Variants in PKHD1 observed in about 807,000 individuals in gnomAD.
PKHD1 encodes fibrocystin.
In PKHD1, 291 loss-of-function variants were observed where a neutral mutation model predicts 412.0. The observed-to-expected ratio is 0.71, with a 90% CI of 0.64 to 0.78. The LOEUF (loss-of-function observed/expected upper bound fraction) is 0.78, where lower values mean the gene tolerates loss of function less well. Ranked by LOEUF, PKHD1 falls within the 30% of genes least tolerant of loss-of-function variation. The pLI is 0.00. For synonymous variants in PKHD1, 1,777 were observed against 1,821.5 expected, an observed-to-expected ratio of 0.98 and a Z score of 0.62; for missense variants, 4,825 against 4,950.7, an observed-to-expected ratio of 0.97 and a Z score of 0.76.
chr6:52,011,863 C>T (rs731736), intron 34 of PKHD1, among the ~76,000 whole-genome samples: 14 of 151,970 alleles, frequency 9.2e-5, no homozygotes, highest in African/African-American at 1.9e-4. Flanking sequence ...CATATCTGAA[C>T]GCAGATTGTT....
chr6:51,709,409 T>C (rs772788989), intron 60 of PKHD1, among the ~76,000 whole-genome samples: 15 of 152,244 alleles, frequency 9.9e-5, no homozygotes, highest in Non-Finnish European at 1.8e-4. Flanking sequence ...ATTCTTGTTG[T>C]CCCAGCAAAA....
At chr6:51,619,683 A>T (rs1183545745) in intron 66 of PKHD1, among the ~76,000 whole-genome samples, 163 bp from the exon 67 acceptor site, 1 of 152,226 alleles carries the variant, frequency 6.6e-6, no homozygotes, top group Non-Finnish European at 1.5e-5. Context: ...CCAAATATGT[A>T]ATAAAAAATT....
intron 41 of PKHD1, among the ~76,000 whole-genome samples, chr6:51,905,152 C>A (rs189306760): frequency 2.0e-5 from 3 of 152,126 alleles, no homozygotes; most frequent in South Asian, 2.1e-4. Flanking sequence ...AAATATCAAA[C>A]GGTATTTAAC....
intron 53 of PKHD1, among the ~76,000 whole-genome samples, chr6:51,784,431 A>G (rs1413304760): frequency 2.0e-5 from 3 of 152,188 alleles, no homozygotes; most frequent in Non-Finnish European, 4.4e-5. Context: ...ATAAAACGAG[A>G]CAGACGTTTC....
intron 2 of PKHD1, among the ~76,000 whole-genome samples, chr6:52,083,490 T>C (rs927926504): frequency 1.3e-5 from 2 of 152,194 alleles, no homozygotes; most frequent in African/African-American, 4.8e-5. Context: ...AGAAGCCCCA[T>C]TTTAAGGAAA....
chr6:51,753,095 T>G (rs186747382), intron 57 of PKHD1, 106 bp downstream of exon 57: 1 of 1,001,824 alleles, frequency 1.0e-6, no homozygotes, highest in Admixed American at 1.9e-5. Flanking sequence ...CTATCTCATT[T>G]GAACATTTTG....
intron 34 of PKHD1, among the ~76,000 whole-genome samples, chr6:52,012,659 C>T (rs906508528): frequency 6.6e-6 from 1 of 152,194 alleles, no homozygotes; most frequent in African/African-American, 2.4e-5. Context: ...TTTAAAACAC[C>T]TCACTTCAGA....
At chr6:51,940,165 G>A (rs1033400044) in intron 36 of PKHD1, among the ~76,000 whole-genome samples, 56 of 151,704 alleles carry the variant, frequency 3.7e-4, no homozygotes, top group Middle Eastern at 3.4e-3. Flanking sequence ...TCAAAAGGCC[G>A]TCTTATTCTC....
intron 55 of PKHD1, among the ~76,000 whole-genome samples, chr6:51,770,338 T>A (rs1042395378): frequency 6.6e-6 from 1 of 151,786 alleles, no homozygotes; most frequent in African/African-American, 2.4e-5. Context: ...ATTTGAAACA[T>A]TTATTTTGAT....
intron 37 of PKHD1, among the ~76,000 whole-genome samples, chr6:51,925,935 A>G (rs543434258): frequency 8.6e-4 from 130 of 151,804 alleles, no homozygotes; most frequent in Non-Finnish European, 1.5e-3. Context: ...TTTTTAAAGC[A>G]TATTATGAGT....
chr6:51,872,899 T>TTTTTTTTTTC (rs61420007), intron 46 of PKHD1, among the ~76,000 whole-genome samples: 1 of 91,318 alleles, frequency 1.1e-5, no homozygotes, highest in Admixed American at 1.4e-4. Context: ...TTTTTTTTTT[T>TTTTTTTTTTC]CAGAAAGTTA....
chr6:51,696,264 G>A (rs1778790607), intron 60 of PKHD1, among the ~76,000 whole-genome samples: 1 of 152,182 alleles, frequency 6.6e-6, no homozygotes, highest in Admixed American at 6.5e-5. Flanking sequence ...AGATTTGGAA[G>A]TGATGGGCAG....
intron 37 of PKHD1, among the ~76,000 whole-genome samples, chr6:51,912,825 C>A (rs1783172430): frequency 6.6e-6 from 1 of 151,918 alleles, no homozygotes; most frequent in Admixed American, 6.6e-5. Context: ...AGAATAGCAA[C>A]GTGTAAAAAG....
In PKHD1 at chr6:51,903,597, C is replaced by T. The variant is rs775831255; in HGVS notation, c.6996G>A (p.Glu2332=). 6.2e-7 allele frequency: 1 copy of T among 1,609,728 alleles called. No homozygotes were observed. Among genetic ancestry groups the T allele is most frequent in the Non-Finnish European group, 8.5e-7 (1 of 1,176,948 alleles). ...IYICSPTNVI[E]GNRVCGAGYG... is the part of the protein sequence containing the mutation. ...TTCCTGGTAGAGCTGAACATCTTAC[C>T]TCTATAACATTGGTGGGACTGCAGA... is the stretch of plus-strand genomic sequence containing the variant. The change falls in exon 43 of 67, where the codon GAG becomes GAA. Residue 2332 remains glutamate (E), a splice_region_variant and synonymous_variant. Transcript: ENST00000371117.
intron 53 of PKHD1, among the ~76,000 whole-genome samples, chr6:51,790,565 A>G (rs1293419083): frequency 1.3e-5 from 2 of 152,168 alleles, no homozygotes; most frequent in Non-Finnish European, 2.9e-5. Context: ...GGGCCAGGTG[A>G]GATGCTTGCC....
At chr6:51,667,245 T>G (rs1237474210) in intron 60 of PKHD1, among the ~76,000 whole-genome samples, 1 of 147,500 alleles carries the variant, frequency 6.8e-6, no homozygotes, top group African/African-American at 2.5e-5. Context: ...TTCTAACTGG[T>G]GTGAGATGGT....
intron 64 of PKHD1, among the ~76,000 whole-genome samples, chr6:51,636,637 A>G (rs1469608047): frequency 1.3e-5 from 2 of 152,102 alleles, no homozygotes; most frequent in East Asian, 1.9e-4. Context: ...TGCTTATCAG[A>G]CCTATTATTT....
chr6:51,624,146 T>G (rs1766964150), intron 66 of PKHD1, among the ~76,000 whole-genome samples: 2 of 152,090 alleles, frequency 1.3e-5, no homozygotes, highest in Non-Finnish European at 1.5e-5. Flanking sequence ...AGCCTCAAAC[T>G]CTTAGGCTCA....
chr6:51,670,664 A>G (rs1774780833), intron 60 of PKHD1, among the ~76,000 whole-genome samples: 1 of 152,076 alleles, frequency 6.6e-6, no homozygotes, highest in South Asian at 2.1e-4. Flanking sequence ...ACAATTTGGC[A>G]TGATTTTGCA....
Sources: gnomAD v4.1 joint callset for allele counts (sites outside exome capture counted in the v4.1 genomes callset) on GRCh38, gnomAD v4.1.1 for gene constraint, MANE v1.5 for transcripts, NCBI Gene and HGNC (gene_info 2026-07-23, HGNC 2026-07-21) for gene names.